DEPDC5: variants seen among roughly 807,000 people sequenced by gnomAD.
DEPDC5 encodes DEP domain containing 5, GATOR1 subcomplex subunit.
A neutral mutation model predicts 217.3 loss-of-function variants in DEPDC5; 73 were observed. That is an observed-to-expected ratio of 0.34 (90% CI 0.28 to 0.41). The LOEUF (loss-of-function observed/expected upper bound fraction) is 0.41. DEPDC5 is among the 10% of genes least tolerant of loss of function. The pLI, the probability that DEPDC5 is intolerant of heterozygous loss-of-function variation, is 1.00. For missense variants in DEPDC5, 1,675 were observed against 2,070.1 expected, an observed-to-expected ratio of 0.81 and a Z score of 3.70; for synonymous variants, 733 against 756.7, an observed-to-expected ratio of 0.97 and a Z score of 0.51.
At chr22:31,781,157 G>A (rs746241899) in intron 8 of DEPDC5, among the ~76,000 whole-genome samples, 9 of 151,006 alleles carry the variant, frequency 6.0e-5, no homozygotes, top group Non-Finnish European at 8.8e-5. Flanking sequence ...CAGAGGTTGC[G>A]GTGAACCAAG....
At chr22:31,864,530 A>T (rs117383096) in intron 33 of DEPDC5, among the ~76,000 whole-genome samples, 10,912 of 138,986 alleles carry the variant, frequency 0.079, 749 homozygotes, top group Non-Finnish European at 0.12. Context: ...ATATATTTAT[A>T]TATTTATTTA....
At position 31,834,004 on chromosome 22, in the gene DEPDC5, G is replaced by A. The variant is rs199846919; in HGVS notation, c.2170+24G>A. 1,612 of 1,610,412 alleles carry A rather than the reference G, an allele frequency of 1.0e-3. 4 individuals carry two copies. The highest frequency in any genetic ancestry group is 1.9e-3 in the South Asian group (171 of 91,022). On this transcript the variant is annotated intron_variant, in intron 25 of 42. Transcript: ENST00000651528. ...AAGTAAGAGGGGGCAGCTGACTGGG[G>A]AAAGGGGTAGACAGGGAGTGTGGGG... is the stretch of plus-strand genomic sequence containing the variant.
In DEPDC5 at chr22:31,784,811, C is replaced by T; in HGVS notation, c.563-3C>T. 1.2e-6 allele frequency: 2 copies of T among 1,612,350 alleles called. No individual in the cohort carries two copies. The highest frequency in any genetic ancestry group is 1.3e-5 in the African/African-American group (1 of 74,950). ...TCATCCTTTTTTCATTGTTTCTTTT[C>T]AGGGGATTTGTATTTTGAGAAAGCT... On this transcript the variant is annotated splice_region_variant and splice_polypyrimidine_tract_variant and intron_variant, in intron 9 of 42. Transcript: ENST00000651528.
intron 41 of DEPDC5, among the ~76,000 whole-genome samples, chr22:31,902,408 T>TTATATATATATATATATA (rs66813737): frequency 1.4e-3 from 157 of 111,848 alleles, no homozygotes; most frequent in Non-Finnish European, 1.7e-3. Flanking sequence ...CATCTCCTTA[T>TTATATATATATATATATA]TATATATATA....
chr22:31,822,985 G>A, intron 24 of DEPDC5, 195 bp downstream of exon 24: 1 of 552,568 alleles, frequency 1.8e-6, no homozygotes, highest in Non-Finnish European at 3.2e-6. Flanking sequence ...TTTTAGCTCA[G>A]AACATGTTGG....
At chr22:31,834,086 TACAC>T in intron 25 of DEPDC5, 106 bp downstream of exon 25, 5 of 1,094,250 alleles carry the variant, frequency 4.6e-6, no homozygotes, top group Non-Finnish European at 5.6e-6. Context: ...GGTCCTGAGG[TACAC>T]ATACCTCTGG....
intron 7 of DEPDC5, among the ~76,000 whole-genome samples, chr22:31,775,912 G>A (rs56104448): frequency 2.0e-5 from 3 of 151,454 alleles, no homozygotes; most frequent in South Asian, 2.1e-4. Context: ...ATGGTGGCAC[G>A]TGCCTGTAAT....
At chr22:31,828,342 T>G (rs971432598) in intron 24 of DEPDC5, among the ~76,000 whole-genome samples, 1 of 151,616 alleles carries the variant, frequency 6.6e-6, no homozygotes, top group Non-Finnish European at 1.5e-5. Context: ...TCCCAGCTAC[T>G]TGGGAGGCTG....
intron 34 of DEPDC5, 188 bp from the exon 35 acceptor site, chr22:31,873,067 A>G (rs2092894355): frequency 1.7e-6 from 2 of 1,198,396 alleles, no homozygotes; most frequent in Non-Finnish European, 2.2e-6. Flanking sequence ...AAATGTGTAT[A>G]TTTTAAAATA....
intron 7 of DEPDC5, chr22:31,769,644 G>A (rs1601679444): frequency 6.6e-6 from 1 of 152,158 alleles, no homozygotes; most frequent in Non-Finnish European, 1.5e-5. Context: ...GTGGCTGGGT[G>A]TGGTGGCTCA....
intron 33 of DEPDC5, among the ~76,000 whole-genome samples, chr22:31,863,972 A>C (rs1376675115): frequency 6.6e-6 from 1 of 152,168 alleles, no homozygotes; most frequent in African/African-American, 2.4e-5. Flanking sequence ...CTCATTATAC[A>C]TACACAAAAT....
chr22:31,758,500 A>G (rs2082120658), intron 2 of DEPDC5, 46 bp from the exon 3 acceptor site: 1 of 1,540,646 alleles, frequency 6.5e-7, no homozygotes, highest in Non-Finnish European at 9.0e-7. Context: ...CATACAGTGT[A>G]CCTAATGAGT....
At chr22:31,782,138 A>ATT (rs771378249) in intron 8 of DEPDC5, among the ~76,000 whole-genome samples, 6 of 143,160 alleles carry the variant, frequency 4.2e-5, no homozygotes, top group Non-Finnish European at 4.6e-5. Context: ...TCTGAAAAAA[A>ATT]TTTTTTTTTT....
intron 37 of DEPDC5, among the ~76,000 whole-genome samples, chr22:31,877,770 A>C (rs543493903): frequency 0.013 from 2,000 of 149,986 alleles, 20 homozygotes; most frequent in Middle Eastern, 0.024. Context: ...AAAAAAAAAA[A>C]AAAACAGCAA....
chr22:31,855,454 G>A (rs1308435315), intron 31 of DEPDC5, among the ~76,000 whole-genome samples: 7 of 148,634 alleles, frequency 4.7e-5, no homozygotes, highest in Non-Finnish European at 7.4e-5. Flanking sequence ...TCGGCTCATT[G>A]CAAGTGCCGC....
intron 7 of DEPDC5, among the ~76,000 whole-genome samples, chr22:31,774,255 G>A (rs1367206618): frequency 6.8e-6 from 1 of 146,884 alleles, no homozygotes; most frequent in Non-Finnish European, 1.5e-5. Context: ...AGGCTGCAGT[G>A]CAGTGGCGTG....
intron 32 of DEPDC5, 53 bp downstream of exon 32, chr22:31,857,606 G>A (rs1376344767): frequency 6.8e-6 from 10 of 1,473,154 alleles, no homozygotes; most frequent in Non-Finnish European, 9.3e-6. Context: ...GAGACTCAGT[G>A]TGGAGGGTAA....
At chr22:31,873,230 G>C in intron 34 of DEPDC5, 25 bp from the exon 35 acceptor site, 1 of 1,613,800 alleles carries the variant, frequency 6.2e-7, no homozygotes, top group African/African-American at 1.3e-5. Flanking sequence ...ATCTTGCTTT[G>C]CTGACCTGAC....
chr22:31,843,542 A>G, intron 28 of DEPDC5, 103 bp from the exon 29 acceptor site: 1 of 1,384,956 alleles, frequency 7.2e-7, no homozygotes, highest in South Asian at 1.5e-5. Flanking sequence ...GTTGAGGGGT[A>G]AATGTCAAGG....
Sources: allele counts gnomAD v4.1 joint callset (sites outside exome capture counted in the v4.1 genomes callset), GRCh38; gene constraint gnomAD v4.1.1; transcripts MANE v1.5; gene names NCBI Gene and HGNC (gene_info 2026-07-23, HGNC 2026-07-21).